The following JPH2 variants were observed in gnomAD, a reference collection of about 807,000 sequenced individuals.
JPH2 encodes junctophilin-2.
Under a neutral mutation model 55.9 loss-of-function variants are expected in JPH2, and 38 were observed. That is an observed-to-expected ratio of 0.68 (90% CI 0.52 to 0.89). The LOEUF is 0.89. Among genes scored for constraint, JPH2 ranks in the 40% least tolerant of loss-of-function variants. The probability of loss-of-function intolerance (pLI) is 0.00; values close to 1 mark genes in which losing one functional copy is unlikely to be tolerated. For missense variants in JPH2, 964 were observed against 1,037.6 expected, an observed-to-expected ratio of 0.93 and a Z score of 0.97; for synonymous variants, 480 against 472.4, an observed-to-expected ratio of 1.02 and a Z score of -0.21.
rs2072220671 is a variant in JPH2 at position 44,119,714 on chromosome 20, A to C, written c.1170-1091T>G. 2.0e-5 allele frequency among the ~76,000 whole-genome samples: 3 copies of C among 152,114 alleles called. 1 individual carries two copies. The South Asian group carries it at 6.2e-4, about 32-fold the overall frequency. On this transcript the variant is annotated intron_variant, in intron 2 of 5. Transcript: ENST00000372980. Reference sequence around the variant, plus strand: ...TGGTGAAACCCCATCTCTACTAAAAAATACAAAAAATTAGCCGGGCATGGT... The same window carrying C: ...TGGTGAAACCCCATCTCTACTAAAACATACAAAAAATTAGCCGGGCATGGT...
At chr20:44,175,561 C>T (rs1421068545) in intron 1 of JPH2, among the ~76,000 whole-genome samples, 1 of 152,200 alleles carries the variant, frequency 6.6e-6, no homozygotes, top group African/African-American at 2.4e-5. Context: ...AACAGACAAC[C>T]CGAAGCGGAG....
intron 2 of JPH2, among the ~76,000 whole-genome samples, chr20:44,130,540 C>T (rs1003554970): frequency 2.0e-5 from 3 of 152,238 alleles, no homozygotes; most frequent in Non-Finnish European, 4.4e-5. Context: ...GAGGGAACCT[C>T]GGGCCTTGCT....
At position 44,115,920 on chromosome 20, in the gene JPH2, G is replaced by C. The variant is rs756767545; in HGVS notation, c.1755C>G (p.Pro585=). 5.1e-6 allele frequency: 8 copies of C among 1,570,816 alleles called. No individual in the cohort carries two copies. In the Admixed American group the frequency reaches 9.0e-5, roughly 18 times the overall value. The change falls in exon 4 of 6, where the codon CCC becomes CCG. Residue 585 remains proline (P), a synonymous_variant. Coordinates refer to ENST00000372980, the MANE Select transcript of JPH2 (RefSeq NM_020433.5). ...ACTCGGACCCGGAGACCTCGGGCTC[G>C]GGCTGGTCCTCAAAGGGTGGGGGCT... ...PPEPPPFEDQ[P]EPEVSGSESA...
chr20:44,139,589 G>A (rs896612462), intron 2 of JPH2, among the ~76,000 whole-genome samples: 6 of 152,188 alleles, frequency 3.9e-5, no homozygotes, highest in Non-Finnish European at 5.9e-5. Flanking sequence ...GTATGTATAT[G>A]CTACAGTATA....
intron 2 of JPH2, among the ~76,000 whole-genome samples, chr20:44,131,938 C>T (rs777893468): frequency 6.6e-6 from 1 of 152,202 alleles, no homozygotes; most frequent in Non-Finnish European, 1.5e-5. Flanking sequence ...CTTACCCTAA[C>T]TGCCAGCTGT....
Position 44,159,061 on chromosome 20 carries a change from G to A in JPH2, c.1169+557C>T, listed in dbSNP as rs2072585028. 6.6e-6 allele frequency among the ~76,000 whole-genome samples: 1 copy of A among 152,156 alleles called. No homozygotes were observed. Among genetic ancestry groups the A allele is most frequent in the Non-Finnish European group, 1.5e-5 (1 of 68,034 alleles). On this transcript the variant is annotated intron_variant, in intron 2 of 5. Coordinates refer to ENST00000372980, the MANE Select transcript of JPH2 (RefSeq NM_020433.5). This position sits in a 1 kb window ranked among gnomAD's most constrained non-coding sequence, Gnocchi z 5.7. ...AGTAGGTAAAAGGATGAAAAATTGG[G>A]TAGGTTGCATGGAATAGATAAGTAA...
intron 1 of JPH2, among the ~76,000 whole-genome samples, chr20:44,179,752 C>T (rs1170751501): frequency 6.6e-6 from 1 of 152,172 alleles, no homozygotes; most frequent in African/African-American, 2.4e-5. Context: ...ATTTAAAATA[C>T]TTATTTATAT....
At chr20:44,171,847 T>A (rs1310784926) in intron 1 of JPH2, among the ~76,000 whole-genome samples, 1 of 152,202 alleles carries the variant, frequency 6.6e-6, no homozygotes, top group African/African-American at 2.4e-5. Flanking sequence ...TTTAAGTAAT[T>A]GTTAGATGCC....
Position 44,108,632 on chromosome 20 carries a change from C to A in JPH2, c.*4886G>T, listed in dbSNP as rs138296694. Among the ~76,000 whole-genome samples the A allele has an allele frequency of 2.1e-3, 262 of 126,848 alleles. No homozygotes were observed. The highest frequency in any genetic ancestry group is 2.3e-3 in the South Asian group (9 of 3,884). 83.2% of individuals were successfully genotyped at this position (126,848 alleles called of 152,430 possible). ...TGGGTGACAGAATGAGACTCTGTCT[C>A]AAAAAAAAAAAAAAAGAAAAGAGGA... On this transcript the variant is annotated 3_prime_UTR_variant, in exon 6 of 6. Coordinates refer to ENST00000372980, the MANE Select transcript of JPH2 (RefSeq NM_020433.5).
In JPH2 at chr20:44,159,954, G is replaced by C. The variant is rs1226206290; in HGVS notation, c.833C>G (p.Pro278Arg). 1 of 1,605,638 alleles carries C rather than the reference G, an allele frequency of 6.2e-7. No homozygotes were observed. The highest frequency in any genetic ancestry group is 8.5e-7 in the Non-Finnish European group (1 of 1,178,058). Residue 278 changes from proline to arginine, a missense_variant, in exon 2 of 6, where the codon CCC (proline) becomes CGC (arginine). Transcript: ENST00000372980. The surrounding 1 kb of genome is among the most constrained non-coding windows in gnomAD (Gnocchi z 5.7). Reference sequence around the variant, plus strand: ...GGTGGCGTCGATATCGGCCTCGAAGGGTGCGGCCTCGTCGGCGCCCTCGGC... The same window carrying C: ...GGTGGCGTCGATATCGGCCTCGAAGCGTGCGGCCTCGTCGGCGCCCTCGGC... ...EAAEGADEAA[P>R]FEADIDATTT...
chr20:44,146,613 G>A (rs6103652), intron 2 of JPH2, among the ~76,000 whole-genome samples: 5,762 of 152,262 alleles, frequency 0.038, 295 homozygotes, highest in African/African-American at 0.12. Context: ...AGGGAATTCA[G>A]TCTCTCTTAG....
intron 2 of JPH2, among the ~76,000 whole-genome samples, chr20:44,131,242 A>G (rs967207760): frequency 2.0e-5 from 3 of 152,166 alleles, no homozygotes; most frequent in African/African-American, 7.2e-5. Context: ...GCAAGCTGCC[A>G]TGTTGGAGAG....
At chr20:44,114,503 G>C (rs2072171150) in intron 5 of JPH2, among the ~76,000 whole-genome samples, 1 of 152,080 alleles carries the variant, frequency 6.6e-6, no homozygotes, top group African/African-American at 2.4e-5. Context: ...ATGAGTGAAT[G>C]AAGCCCTCAG....
At position 44,147,473 on chromosome 20, in the gene JPH2, A is replaced by T. The variant is rs951211555; in HGVS notation, c.1169+12145T>A. ...ACATAAAAAGATCTCAAAACATATT[A>T]CATCAAAAACGCAAGTTCCAGAACA... On this transcript the variant is annotated intron_variant, in intron 2 of 5. Transcript: ENST00000372980. 2.6e-5 allele frequency among the ~76,000 whole-genome samples: 4 copies of T among 152,234 alleles called. No homozygotes were observed. The East Asian group carries it at 7.7e-4, about 29-fold the overall frequency.
chr20:44,166,431 A>T (rs1418465992), intron 1 of JPH2, among the ~76,000 whole-genome samples: 3 of 152,224 alleles, frequency 2.0e-5, no homozygotes, highest in African/African-American at 7.2e-5. Context: ...CAAGACATCT[A>T]ATCTCTGGGT....
intron 2 of JPH2, among the ~76,000 whole-genome samples, chr20:44,130,957 G>A (rs1466283754): frequency 6.6e-6 from 1 of 152,150 alleles, no homozygotes; most frequent in Non-Finnish European, 1.5e-5. Flanking sequence ...CTATGTGGGT[G>A]TGAATCCCTG....
chr20:44,169,051 T>C (rs944383922), intron 1 of JPH2, among the ~76,000 whole-genome samples: 12 of 152,186 alleles, frequency 7.9e-5, no homozygotes, highest in African/African-American at 2.7e-4. Flanking sequence ...CTTCACCTTC[T>C]GCCATGAGTG....
At chr20:44,162,153 C>A (rs917282615) in intron 1 of JPH2, among the ~76,000 whole-genome samples, 1 of 152,072 alleles carries the variant, frequency 6.6e-6, no homozygotes, top group African/African-American at 2.4e-5. Context: ...TAAACACAAG[C>A]TGATACATTC....
rs10630926 is a variant in JPH2, at chr20:44,108,632, C to CAAAAA, written c.*4881_*4885dup. Among the ~76,000 whole-genome samples the CAAAAA allele has an allele frequency of 5.8e-4, 74 of 127,042 alleles. 1 individual carries two copies. The highest frequency in any genetic ancestry group is 4.4e-3 in the Middle Eastern group (1 of 226). The allele number at this position is 127,042 out of a possible 152,430, so 83.3% of individuals were successfully genotyped here. ...TGGGTGACAGAATGAGACTCTGTCT[C>CAAAAA]AAAAAAAAAAAAAAAGAAAAGAGGA... On this transcript the variant is annotated 3_prime_UTR_variant, in exon 6 of 6. Coordinates refer to ENST00000372980, the MANE Select transcript of JPH2 (RefSeq NM_020433.5).
Sources: gnomAD v4.1 joint callset for allele counts (sites outside exome capture counted in the v4.1 genomes callset) on GRCh38, gnomAD v4.1.1 for gene constraint, Gnocchi (gnomAD v3.1) non-coding constraint, MANE v1.5 for transcripts, NCBI Gene and HGNC (gene_info 2026-07-23, HGNC 2026-07-21) for gene names.